Variants in PRPF19 observed in about 807,000 individuals in gnomAD.
PRPF19 encodes the protein pre-mRNA-processing factor 19.
A neutral mutation model predicts 64.2 loss-of-function variants in PRPF19; 2 were observed. That is an observed-to-expected ratio of 0.03 (90% CI 0.01 to 0.10). The LOEUF (loss-of-function observed/expected upper bound fraction) is 0.10. PRPF19 is among the 10% of genes least tolerant of loss of function. The probability of loss-of-function intolerance (pLI) is 1.00; values close to 1 mark genes in which losing one functional copy is unlikely to be tolerated. For synonymous variants in PRPF19, 226 were observed against 251.6 expected, an observed-to-expected ratio of 0.90 and a Z score of 0.96; for missense variants, 314 against 650.0, an observed-to-expected ratio of 0.48 and a Z score of 5.62.
At position 60,890,930 on chromosome 11, in the gene PRPF19, A is replaced by C; in HGVS notation, c.*236T>G. The C allele has an allele frequency of 1.7e-6, 1 of 593,908 alleles. No individual in the cohort carries two copies. Among genetic ancestry groups the C allele is most frequent in the Admixed American group, 2.3e-5 (1 of 43,452 alleles). 36.8% of individuals were successfully genotyped at this position (593,908 alleles called of 1,614,324 possible). On this transcript the variant is annotated 3_prime_UTR_variant, in exon 16 of 16. Coordinates refer to ENST00000227524, the MANE Select transcript of PRPF19 (RefSeq NM_014502.5). ...GCCCTGGGCTCCGACCCTGGGCCTT[A>C]AGAGGGTGACAGTTCTTCCTTCCAC...
In PRPF19 at chr11:60,891,080, C is replaced by CCCCACA; in HGVS notation, c.*85_*86insTGTGGG. Reference sequence around the variant, plus strand: ...CCCACCCCACAGAGCCCCCTCCCCCCATAGATTCCCCCCACCCCCCCCCCC... The same window carrying CCCCACA: ...CCCACCCCACAGAGCCCCCTCCCCCCCCCACAATAGATTCCCCCCACCCCCCCCCCC... On this transcript the variant is annotated 3_prime_UTR_variant, in exon 16 of 16. Coordinates refer to ENST00000227524, the MANE Select transcript of PRPF19 (RefSeq NM_014502.5). 2 of 185,966 alleles carry CCCCACA rather than the reference C, an allele frequency of 1.1e-5. No individual in the cohort carries two copies. The highest frequency in any genetic ancestry group is 3.6e-5 in the South Asian group (1 of 27,510). 11.5% of individuals were successfully genotyped at this position (185,966 alleles called of 1,614,324 possible). A position where few individuals can be genotyped will look rare whatever the true frequency, so the allele number is the denominator to read the frequency against.
chr11:60,894,705 T>C (rs1186001334), intron 15 of PRPF19, among the ~76,000 whole-genome samples: 1 of 152,228 alleles, frequency 6.6e-6, no homozygotes, highest in Non-Finnish European at 1.5e-5. Flanking sequence ...GTTTTCAATT[T>C]ACTTTGTCCA....
chr11:60,903,257 C>T (rs559580298), intron 3 of PRPF19, among the ~76,000 whole-genome samples: 1 of 152,290 alleles, frequency 6.6e-6, no homozygotes, highest in Admixed American at 6.5e-5. Context: ...TGTATTCAAT[C>T]ATTCAATTCA....
chr11:60,902,434 A>G lies in PRPF19; in HGVS notation c.494T>C (p.Leu165Pro), dbSNP rs1218592872. 2 of 1,614,192 alleles carry G rather than the reference A, an allele frequency of 1.2e-6. No homozygotes were observed. Among genetic ancestry groups the G allele is most frequent in the Admixed American group, 3.3e-5 (2 of 60,026 alleles). ...GAGEPMDLGELVGMTPEIIQK... is the reference protein window; with the variant it reads ...GAGEPMDLGEPVGMTPEIIQK... ...AATAATCTCTGGGGTCATTCCCACC[A>G]GCTCACCCAAATCCATTGGCTCACC... The change falls in exon 6 of 16, where the codon CTG becomes CCG. Residue 165 changes from leucine (L) to proline (P), a missense_variant. Leu to Pro is a moderately conservative substitution (Grantham distance 98). Coordinates refer to ENST00000227524, the MANE Select transcript of PRPF19 (RefSeq NM_014502.5). This position sits in a 1 kb window ranked among gnomAD's most constrained non-coding sequence, Gnocchi z 5.0.
At chr11:60,891,696 T>TGGGC (rs992948441) in intron 15 of PRPF19, among the ~76,000 whole-genome samples, 12 of 152,226 alleles carry the variant, frequency 7.9e-5, no homozygotes, top group African/African-American at 2.7e-4. Context: ...CAGATGAGGC[T>TGGGC]GGGCAACATT....
rs1268028082 is a variant in PRPF19 at position 60,902,228 on chromosome 11, A to G, written c.525+175T>C. On this transcript the variant is annotated intron_variant, in intron 6 of 15. Transcript: ENST00000227524. The surrounding 1 kb of genome is among the most constrained non-coding windows in gnomAD (Gnocchi z 5.0). Reference sequence around the variant, plus strand: ...AGGGTTGGCTAAGTAAGCCAAGGTCATAAAGCTTACAAGTAGTGGCATCAA... The same window carrying G: ...AGGGTTGGCTAAGTAAGCCAAGGTCGTAAAGCTTACAAGTAGTGGCATCAA... 6.6e-6 allele frequency among the ~76,000 whole-genome samples: 1 copy of G among 152,192 alleles called. No homozygotes were observed. Among genetic ancestry groups the G allele is most frequent in the Non-Finnish European group, 1.5e-5 (1 of 68,028 alleles).
intron 15 of PRPF19, among the ~76,000 whole-genome samples, chr11:60,891,948 G>C (rs1855864670): frequency 1.3e-5 from 2 of 152,216 alleles, no homozygotes; most frequent in Admixed American, 1.3e-4. Context: ...GGGGCAAGAA[G>C]AAATATCTTG....
chr11:60,905,848 T>C (rs1856039294), intron 1 of PRPF19, among the ~76,000 whole-genome samples: 1 of 152,270 alleles, frequency 6.6e-6, no homozygotes, highest in South Asian at 2.1e-4. Flanking sequence ...GGGAGCCAGA[T>C]ACCTGGCTGC....
intron 15 of PRPF19, among the ~76,000 whole-genome samples, chr11:60,897,229 A>G (rs1030301555): frequency 3.9e-5 from 6 of 152,318 alleles, no homozygotes; most frequent in South Asian, 4.1e-4. Context: ...TTAGATACAC[A>G]AATACTTACC....
chr11:60,891,164 G>A lies in PRPF19; in HGVS notation c.*2C>T. 6.3e-7 allele frequency: 1 copy of A among 1,575,326 alleles called. No homozygotes were observed. Among genetic ancestry groups the A allele is most frequent in the Non-Finnish European group, 8.6e-7 (1 of 1,156,624 alleles). On this transcript the variant is annotated 3_prime_UTR_variant, in exon 16 of 16. Coordinates refer to ENST00000227524, the MANE Select transcript of PRPF19 (RefSeq NM_014502.5). ...CCCAGCTTCCATCAGAAGGGCCAGG[G>A]CCTACAGGCTGTAGAACTTGAGGCT...
At chr11:60,893,025 A>G (rs1855879878) in intron 15 of PRPF19, among the ~76,000 whole-genome samples, 1 of 151,928 alleles carries the variant, frequency 6.6e-6, no homozygotes, top group Non-Finnish European at 1.5e-5. Context: ...TGTGTCACAT[A>G]ATGACATGTC....
At chr11:60,895,591 T>C (rs1855910993) in intron 15 of PRPF19, among the ~76,000 whole-genome samples, 1 of 152,264 alleles carries the variant, frequency 6.6e-6, no homozygotes, top group Non-Finnish European at 1.5e-5. Flanking sequence ...GCACTTTTAA[T>C]TTCCTTCAAG....
chr11:60,897,015 G>A (rs1441530067), intron 15 of PRPF19, among the ~76,000 whole-genome samples: 1 of 152,108 alleles, frequency 6.6e-6, no homozygotes. Context: ...TATGAATTTA[G>A]TAAAACCTAA....
At position 60,906,512 on chromosome 11, in the gene PRPF19, G is replaced by A. The variant is rs1463652934; in HGVS notation, c.-130C>T. 4 of 974,516 alleles carry A rather than the reference G, an allele frequency of 4.1e-6. No homozygotes were observed. In the African/African-American group the frequency reaches 6.7e-5, roughly 16 times the overall value. The allele number at this position is 974,516 out of a possible 1,614,324, so 60.4% of individuals were successfully genotyped here. On this transcript the variant is annotated 5_prime_UTR_variant, in exon 1 of 16. Transcript: ENST00000227524. ...CGGCGAGCTGGGAGCCGCCAGCCGA[G>A]CGATGCTAGCGTAGCGCTTCACGTG...
rs1011119287 is a variant in PRPF19 at position 60,892,528 on chromosome 11, G to A, written c.1418-1265C>T. On this transcript the variant is annotated intron_variant, in intron 15 of 15. Coordinates refer to ENST00000227524, the MANE Select transcript of PRPF19 (RefSeq NM_014502.5). ...GCACTTATCAGGATGTGGCTCCATC[G>A]TATATCAAGGAGCACCTGTATGTAT... Among the ~76,000 whole-genome samples the A allele has an allele frequency of 9.2e-5, 14 of 152,170 alleles. No individual in the cohort carries two copies. In the East Asian group the frequency reaches 9.6e-4, roughly 10 times the overall value.
Position 60,902,527 on chromosome 11 carries a change from G to T in PRPF19, c.462+56C>A. The T allele has an allele frequency of 6.2e-7, 1 of 1,606,682 alleles. No individual in the cohort carries two copies. Among genetic ancestry groups the T allele is most frequent in the Admixed American group, 1.7e-5 (1 of 60,006 alleles). On this transcript the variant is annotated intron_variant, in intron 5 of 15. Coordinates refer to ENST00000227524, the MANE Select transcript of PRPF19 (RefSeq NM_014502.5). The surrounding 1 kb of genome is among the most constrained non-coding windows in gnomAD (Gnocchi z 5.0). Reference sequence around the variant, plus strand: ...CACCAAAGACACCTGCATAAGGACAGTTCTGTGGGCCACTGTACACAAATG... The same window carrying T: ...CACCAAAGACACCTGCATAAGGACATTTCTGTGGGCCACTGTACACAAATG...
At chr11:60,893,535 C>T (rs1035597609) in intron 15 of PRPF19, among the ~76,000 whole-genome samples, 2 of 149,222 alleles carry the variant, frequency 1.3e-5, no homozygotes, top group East Asian at 2.0e-4. Context: ...TAATTAGGTA[C>T]AGTACGTTAC....
Position 60,898,347 on chromosome 11 carries a change from A to G in PRPF19, c.1141-76T>C. ...AGAAAATGGGGCTCACCAAACTCCT[A>G]CCTGAGATGTCCCTCACGTCCTTCC... On this transcript the variant is annotated intron_variant, in intron 13 of 15. Coordinates refer to ENST00000227524, the MANE Select transcript of PRPF19 (RefSeq NM_014502.5). The surrounding 1 kb of genome is among the most constrained non-coding windows in gnomAD (Gnocchi z 4.6). The G allele has an allele frequency of 6.4e-7, 1 of 1,557,868 alleles. No homozygotes were observed. Among genetic ancestry groups the G allele is most frequent in the African/African-American group, 1.4e-5 (1 of 73,408 alleles).
At position 60,890,600 on chromosome 11, in the gene PRPF19, A is replaced by AG. The variant is rs11426757; in HGVS notation, c.*565dup. On this transcript the variant is annotated 3_prime_UTR_variant, in exon 16 of 16. Transcript: ENST00000227524. ...GCTGTGCAATTAAAAAAAAAAAAAAAGGGTAAGAGCTGTGAAAGGAAAGGA... is the reference window on the plus strand; with the variant it reads ...GCTGTGCAATTAAAAAAAAAAAAAAAGGGGTAAGAGCTGTGAAAGGAAAGGA... The AG allele has an allele frequency of 4.7e-5, 14 of 297,778 alleles. No homozygotes were observed. Among genetic ancestry groups the AG allele is most frequent in the African/African-American group, 2.7e-4 (12 of 44,226 alleles). 18.4% of individuals were successfully genotyped at this position (297,778 alleles called of 1,614,324 possible). A position where few individuals can be genotyped will look rare whatever the true frequency, so the allele number is the denominator to read the frequency against.
Sources: allele counts gnomAD v4.1 joint callset (sites outside exome capture counted in the v4.1 genomes callset), GRCh38; gene constraint gnomAD v4.1.1; non-coding constraint Gnocchi (gnomAD v3.1); transcripts MANE v1.5; gene names NCBI Gene and HGNC (gene_info 2026-07-23, HGNC 2026-07-21).